CREM: variants seen among roughly 807,000 people sequenced by gnomAD.
CREM encodes the protein cAMP responsive element modulator.
In CREM, 13 loss-of-function variants were observed where a neutral mutation model predicts 37.3. The ratio of observed to expected loss-of-function variants is 0.35; its 90% CI spans 0.23 to 0.55. CREM has a LOEUF of 0.55. Ranked by LOEUF, CREM falls within the 20% of genes least tolerant of loss-of-function variation. The probability of loss-of-function intolerance (pLI) is 0.88; values close to 1 mark genes in which losing one functional copy is unlikely to be tolerated. For synonymous variants in CREM, 124 were observed against 120.2 expected (o/e 1.03, Z -0.21); for missense variants, 296 against 362.3 (o/e 0.82, Z 1.49).
chr10:35,135,953 G>A (rs967781491), intron 1 of CREM, among the ~76,000 whole-genome samples: 15 of 152,076 alleles, frequency 9.9e-5, no homozygotes, highest in African/African-American at 3.6e-4. Context: ...GTGACCTTGT[G>A]GAGAATAGTT....
intron 6 of CREM, among the ~76,000 whole-genome samples, chr10:35,203,093 C>T (rs536691911): frequency 2.2e-4 from 34 of 151,382 alleles, no homozygotes; most frequent in African/African-American, 7.5e-4. Context: ...CTTACTCTGT[C>T]GCTCAGGCTG....
At chr10:35,148,529 A>G (rs777286096) in intron 3 of CREM, 38 bp downstream of exon 3, 5 of 1,588,182 alleles carry the variant, frequency 3.1e-6, no homozygotes, top group Non-Finnish European at 4.3e-6. Flanking sequence ...GTCAAAATAT[A>G]TGGAAATGAG....
intron 6 of CREM, among the ~76,000 whole-genome samples, chr10:35,201,132 G>A (rs1177968855): frequency 2.0e-5 from 3 of 151,678 alleles, no homozygotes; most frequent in Non-Finnish European, 2.9e-5. Context: ...GGAATATAAC[G>A]ATATATAATT....
intron 1 of CREM, among the ~76,000 whole-genome samples, chr10:35,132,323 TCAG>T (rs1041114338): frequency 1.3e-5 from 2 of 152,156 alleles, no homozygotes; most frequent in African/African-American, 4.8e-5. Flanking sequence ...CATTTCCTCC[TCAG>T]CAGCCCATTC....
chr10:35,172,938 C>G (rs759576977), intron 3 of CREM, among the ~76,000 whole-genome samples: 3 of 152,170 alleles, frequency 2.0e-5, no homozygotes, highest in Non-Finnish European at 4.4e-5. Context: ...TTGTCACAAG[C>G]TTTTAAGCCA....
chr10:35,138,169 T>C (rs1021143382), intron 2 of CREM, among the ~76,000 whole-genome samples: 1 of 152,214 alleles, frequency 6.6e-6, no homozygotes, highest in African/African-American at 2.4e-5. Context: ...AATTGTAGAA[T>C]TCGAAGAATC....
At chr10:35,153,979 A>T (rs1006879239) in intron 3 of CREM, 1 of 396,910 alleles carries the variant, frequency 2.5e-6, no homozygotes, top group African/African-American at 2.1e-5. Flanking sequence ...TGTTAACCCT[A>T]TGATGTTTGC....
intron 5 of CREM, among the ~76,000 whole-genome samples, chr10:35,185,764 A>G (rs1394073712): frequency 6.6e-6 from 1 of 152,170 alleles, no homozygotes; most frequent in South Asian, 2.1e-4. Flanking sequence ...GGGTGTCTCA[A>G]CCTCAGTTCT....
intron 6 of CREM, among the ~76,000 whole-genome samples, chr10:35,197,416 C>CTTTT (rs369012371): frequency 7.0e-6 from 1 of 142,774 alleles, no homozygotes; most frequent in Non-Finnish European, 1.5e-5. Flanking sequence ...TTTCATTTTA[C>CTTTT]TTTATTTATT....
At chr10:35,155,605 G>A (rs2092845446) in intron 3 of CREM, among the ~76,000 whole-genome samples, 1 of 144,394 alleles carries the variant, frequency 6.9e-6, no homozygotes, top group South Asian at 2.3e-4. Flanking sequence ...GTAAGACTTA[G>A]GGATTCTTTT....
rs933301031 is a variant in CREM, at chr10:35,211,867, C to G, written c.*469C>G. On this transcript the variant is annotated 3_prime_UTR_variant, in exon 8 of 8. Coordinates refer to ENST00000685392, the MANE Select transcript of CREM (RefSeq NM_183011.2). ...GCTTTTGAAGGAATACAATATATAG[C>G]TGGCAAGAATGGTGGCTTCTTTTCT... 7 of 1,426,140 alleles carry G rather than the reference C, an allele frequency of 4.9e-6. No homozygotes were observed. The highest frequency in any genetic ancestry group is 6.5e-6 in the Non-Finnish European group (7 of 1,072,672). The allele number at this position is 1,426,140 out of a possible 1,614,324, so 88.3% of individuals were successfully genotyped here. A position where few individuals can be genotyped will look rare whatever the true frequency, so the allele number is the denominator to read the frequency against.
intron 5 of CREM, among the ~76,000 whole-genome samples, chr10:35,182,868 T>C (rs2094409153): frequency 6.6e-6 from 1 of 152,232 alleles, no homozygotes; most frequent in Non-Finnish European, 1.5e-5. Context: ...GAAAGTCTTT[T>C]ATTTCAGAAG....
In CREM at chr10:35,211,917, A is replaced by G; in HGVS notation, c.*519A>G. The G allele has an allele frequency of 2.1e-5, 22 of 1,058,808 alleles. No individual in the cohort carries two copies. The highest frequency in any genetic ancestry group is 2.8e-5 in the Non-Finnish European group (22 of 774,338). 65.6% of individuals were successfully genotyped at this position (1,058,808 alleles called of 1,614,324 possible). A position where few individuals can be genotyped will look rare whatever the true frequency, so the allele number is the denominator to read the frequency against. ...TTTGTATCATTCATCTTCTTCTTTAATCACTTAACATTCCTAAAATGCTTC... is the reference window on the plus strand; with the variant it reads ...TTTGTATCATTCATCTTCTTCTTTAGTCACTTAACATTCCTAAAATGCTTC... On this transcript the variant is annotated 3_prime_UTR_variant, in exon 8 of 8. Coordinates refer to ENST00000685392, the MANE Select transcript of CREM (RefSeq NM_183011.2).
At chr10:35,137,098 G>A (rs912039158) in intron 1 of CREM, among the ~76,000 whole-genome samples, 2 of 152,136 alleles carry the variant, frequency 1.3e-5, no homozygotes, top group South Asian at 2.1e-4. Flanking sequence ...ACAGGTGTGA[G>A]CCACCATGTC....
At chr10:35,134,563 A>C (rs964414858) in intron 1 of CREM, among the ~76,000 whole-genome samples, 1 of 152,096 alleles carries the variant, frequency 6.6e-6, no homozygotes, top group African/African-American at 2.4e-5. Context: ...CTCTATCAGC[A>C]TATTGTATTT....
chr10:35,198,888 G>A (rs1588713832), intron 6 of CREM, among the ~76,000 whole-genome samples: 2 of 152,220 alleles, frequency 1.3e-5, no homozygotes, highest in South Asian at 2.1e-4. Context: ...GGTGGCTTAC[G>A]CCTGTAATCC....
Position 35,137,882 on chromosome 10 carries a change from A to C in CREM, c.44+3A>C. ...AAATATATTAAGACAAATCCAAGGTAGGTAGATGTACGTTTTTCTGTTCTT... is the reference window on the plus strand; with the variant it reads ...AAATATATTAAGACAAATCCAAGGTCGGTAGATGTACGTTTTTCTGTTCTT... On this transcript the variant is annotated splice_donor_region_variant and intron_variant, in intron 2 of 7. Coordinates refer to ENST00000685392, the MANE Select transcript of CREM (RefSeq NM_183011.2). The C allele has an allele frequency of 1.3e-6, 2 of 1,583,334 alleles. No homozygotes were observed. The highest frequency in any genetic ancestry group is 1.7e-6 in the Non-Finnish European group (2 of 1,164,712).
Position 35,177,139 on chromosome 10 carries a change from T to G in CREM, c.169-1750T>G, listed in dbSNP as rs1328801246. On this transcript the variant is annotated intron_variant, in intron 3 of 7. Transcript: ENST00000685392. ...TACATAGTATAGTCCTTTTCTTGCG[T>G]GTTCAAGTAGTTTATCACAGTAGAA... is the stretch of plus-strand genomic sequence containing the variant. 2.6e-5 allele frequency among the ~76,000 whole-genome samples: 4 copies of G among 152,092 alleles called. No individual in the cohort carries two copies. The South Asian group carries it at 8.3e-4, about 31-fold the overall frequency.
intron 6 of CREM, among the ~76,000 whole-genome samples, chr10:35,195,549 G>C (rs140833121): frequency 5.1e-4 from 75 of 148,214 alleles, no homozygotes; most frequent in East Asian, 3.4e-3. Context: ...ATACCATTCT[G>C]CCCTACTAAA....
Sources: gnomAD v4.1 joint callset for allele counts (sites outside exome capture counted in the v4.1 genomes callset) on GRCh38, gnomAD v4.1.1 for gene constraint, MANE v1.5 for transcripts, NCBI Gene and HGNC (gene_info 2026-07-23, HGNC 2026-07-21) for gene names.